AXIN1: variants seen among roughly 807,000 people sequenced by gnomAD.
AXIN1 encodes the protein axin 1, also known as axin-1.
Under a neutral mutation model 76.4 loss-of-function variants are expected in AXIN1, and 30 were observed. The ratio of observed to expected loss-of-function variants is 0.39; its 90% CI spans 0.29 to 0.53. The LOEUF is 0.53. Ranked by LOEUF, AXIN1 falls within the 20% of genes least tolerant of loss-of-function variation. AXIN1 has a pLI of 0.66. For synonymous variants in AXIN1, 545 were observed against 501.4 expected (o/e 1.09, Z -1.16); for missense variants, 1,140 against 1,198.8 (o/e 0.95, Z 0.72).
chr16:315,951 G>A (rs1429252248), intron 2 of AXIN1, among the ~76,000 whole-genome samples: 3 of 152,034 alleles, frequency 2.0e-5, no homozygotes, highest in African/African-American at 7.2e-5. Context: ...TACTTGGGAG[G>A]CTGAGGCAAG....
intron 4 of AXIN1, among the ~76,000 whole-genome samples, chr16:307,936 C>G (rs892369575): frequency 2.0e-5 from 3 of 152,240 alleles, no homozygotes; most frequent in Non-Finnish European, 4.4e-5. Flanking sequence ...ATGTGGGTTT[C>G]TCACTTGGGC....
Position 297,844 on chromosome 16 carries a change from G to T in AXIN1, c.1662C>A (p.Ala554=). Residue 554 remains alanine, a synonymous_variant, in exon 6 of 11, where the codon GCC becomes GCA. Coordinates refer to ENST00000262320, the MANE Select transcript of AXIN1 (RefSeq NM_003502.4). Reference sequence around the variant, plus strand: ...CGAAGCTGCTCTGGGCCCTGCGGGTGGCCTCGGCCTCCACCTGCTCCTTGG... The same window carrying T: ...CGAAGCTGCTCTGGGCCCTGCGGGTTGCCTCGGCCTCCACCTGCTCCTTGG... The part of the protein sequence containing the change: ...ARPKEQVEAE[A]TRRAQSSFAW... 1 of 1,576,634 alleles carries T rather than the reference G, an allele frequency of 6.3e-7. No homozygotes were observed.
intron 2 of AXIN1, among the ~76,000 whole-genome samples, chr16:336,576 C>T (rs1238113174): frequency 6.6e-6 from 1 of 152,142 alleles, no homozygotes; most frequent in African/African-American, 2.4e-5. Context: ...AATCCCAGCA[C>T]TTTGGGAGGC....
chr16:324,735 G>C (rs963633476), intron 2 of AXIN1, among the ~76,000 whole-genome samples: 3 of 152,146 alleles, frequency 2.0e-5, no homozygotes, highest in Non-Finnish European at 4.4e-5. Context: ...CTCAGACACG[G>C]CCAGTGCCAT....
At chr16:294,368 C>G (rs13335208) in intron 7 of AXIN1, among the ~76,000 whole-genome samples, 4,576 of 146,676 alleles carry the variant, frequency 0.031, 253 homozygotes, top group African/African-American at 0.11. Context: ...GAGGCTGAGG[C>G]AGGAGAATCG....
chr16:321,425 G>C (rs986333225), intron 2 of AXIN1, among the ~76,000 whole-genome samples: 10 of 152,254 alleles, frequency 6.6e-5, no homozygotes, highest in African/African-American at 2.4e-4. Flanking sequence ...TTAAAAGTAA[G>C]TTCTGATGGT....
chr16:299,271 T>C (rs1364800333), intron 5 of AXIN1: 1 of 983,590 alleles, frequency 1.0e-6, no homozygotes, highest in Non-Finnish European at 1.2e-6. Flanking sequence ...CTCATCTTAT[T>C]GGACTGACAA....
At position 305,695 on chromosome 16, in the gene AXIN1, C is replaced by T. The variant is rs548816586; in HGVS notation, c.1117-1254G>A. On this transcript the variant is annotated intron_variant, in intron 4 of 10. Transcript: ENST00000262320. Reference sequence around the variant, plus strand: ...AGTAGCTGGGACTACAGGCGCCTGCCACCATGCCCGGCTAATTTTTTTGTA... The same window carrying T: ...AGTAGCTGGGACTACAGGCGCCTGCTACCATGCCCGGCTAATTTTTTTGTA... Among the ~76,000 whole-genome samples, 1,301 of 152,122 alleles carry T rather than the reference C, an allele frequency of 8.6e-3. 13 individuals carry two copies. The highest frequency in any genetic ancestry group is 0.013 in the Non-Finnish European group (874 of 67,994).
chr16:311,583 A>G (rs1597039041), intron 3 of AXIN1, among the ~76,000 whole-genome samples: 2 of 151,590 alleles, frequency 1.3e-5, no homozygotes, highest in East Asian at 4.0e-4. Context: ...CATCCTGGCT[A>G]ACACGGTGAA....
rs747232146 is a variant in AXIN1 at position 293,559 on chromosome 16, G to A, written c.2115C>T (p.Thr705=). 9 of 1,612,036 alleles carry A rather than the reference G, an allele frequency of 5.6e-6. No homozygotes were observed. The South Asian group carries it at 6.6e-5, about 12-fold the overall frequency. Residue 705 remains threonine (T), a synonymous_variant, in exon 8 of 11, where the codon ACC becomes ACT. Transcript: ENST00000262320. The surrounding 1 kb of genome is among the most constrained non-coding windows in gnomAD (Gnocchi z 4.6). ...GACGTCGGCGCGCCTCCTCCAGCTG[G>A]GTTAGGGGGTTGGGAGCTGGGTGGG... ...MPPHPAPNPL[T]QLEEARRRLE...
intron 4 of AXIN1, 97 bp from the exon 5 acceptor site, chr16:304,538 TTA>T: frequency 6.4e-7 from 1 of 1,555,162 alleles, no homozygotes; most frequent in Non-Finnish European, 8.8e-7. Context: ...CTGTTGTATT[TTA>T]TTTTATTTTT....
chr16:343,108 G>C (rs926653290), intron 2 of AXIN1, among the ~76,000 whole-genome samples: 1 of 152,118 alleles, frequency 6.6e-6, no homozygotes, highest in Non-Finnish European at 1.5e-5. Context: ...CCGCAGACAC[G>C]ACTCCCAAGC....
chr16:318,676 C>T (rs577490657), intron 2 of AXIN1, among the ~76,000 whole-genome samples: 1 of 152,184 alleles, frequency 6.6e-6, no homozygotes, highest in African/African-American at 2.4e-5. Flanking sequence ...CCTGTGCGTG[C>T]GCCTATGGAT....
At chr16:294,487 G>T (rs975333003) in intron 7 of AXIN1, among the ~76,000 whole-genome samples, 2 of 140,508 alleles carry the variant, frequency 1.4e-5, no homozygotes, top group African/African-American at 5.4e-5. Flanking sequence ...AAAAAAAATG[G>T]CCAGGCGCGG....
At chr16:335,553 C>T (rs2141668650) in intron 2 of AXIN1, among the ~76,000 whole-genome samples, 1 of 152,138 alleles carries the variant, frequency 6.6e-6, no homozygotes, top group Middle Eastern at 3.4e-3. Context: ...GCACCCAGTA[C>T]CACTGCATGC....
At chr16:340,325 A>C (rs1456576794) in intron 2 of AXIN1, among the ~76,000 whole-genome samples, 1 of 152,252 alleles carries the variant, frequency 6.6e-6, no homozygotes, top group African/African-American at 2.4e-5. Flanking sequence ...CAAGTGCATC[A>C]CTGGACTGGC....
chr16:293,437 T>C lies in AXIN1; in HGVS notation c.2186+51A>G, dbSNP rs2141484168. ...CCTCGGGGAGCTTCAGCCCCAGGAGTGGTGCTGTGGTAACCCCCAAGACCC... is the reference window on the plus strand; with the variant it reads ...CCTCGGGGAGCTTCAGCCCCAGGAGCGGTGCTGTGGTAACCCCCAAGACCC... On this transcript the variant is annotated intron_variant, in intron 8 of 10. Transcript: ENST00000262320. This position sits in a 1 kb window ranked among gnomAD's most constrained non-coding sequence, Gnocchi z 4.6. 1.9e-6 allele frequency: 3 copies of C among 1,559,704 alleles called. No homozygotes were observed. The highest frequency in any genetic ancestry group is 1.8e-6 in the Non-Finnish European group (2 of 1,142,720).
At chr16:292,932 T>C (rs191998381) in intron 8 of AXIN1, 1,378 of 125,178 alleles carry the variant, frequency 0.011, 26 homozygotes, top group African/African-American at 0.052. Context: ...AAGGGCACAG[T>C]GAGGAGGGCT....
chr16:288,329 C>A (rs537261569), intron 10 of AXIN1, 81 bp from the exon 11 acceptor site: 24 of 1,571,332 alleles, frequency 1.5e-5, no homozygotes, highest in Non-Finnish European at 2.1e-5. Flanking sequence ...ACGGCGTGTC[C>A]ACACCCCATC....
Sources: allele counts gnomAD v4.1 joint callset (sites outside exome capture counted in the v4.1 genomes callset), GRCh38; gene constraint gnomAD v4.1.1; non-coding constraint Gnocchi (gnomAD v3.1); transcripts MANE v1.5; gene names NCBI Gene and HGNC (gene_info 2026-07-23, HGNC 2026-07-21).